The following DLG2 variants were observed in gnomAD, a reference collection of about 807,000 sequenced individuals.
DLG2 encodes disks large homolog 2.
DLG2 carries 45 observed loss-of-function variants against 132.5 expected under a neutral mutation model. That is an observed-to-expected ratio of 0.34 (90% CI 0.27 to 0.44). The LOEUF is 0.44. Among genes scored for constraint, DLG2 ranks in the 20% least tolerant of loss-of-function variants. The probability of loss-of-function intolerance (pLI) is 1.00; values close to 1 mark genes in which losing one functional copy is unlikely to be tolerated. For synonymous variants in DLG2, 424 were observed against 419.6 expected (o/e 1.01, Z -0.13); for missense variants, 1,045 against 1,196.9 (o/e 0.87, Z 1.87).
Position 84,927,419 on chromosome 11 carries a change from T to G in DLG2, c.357+184242A>C, listed in dbSNP as rs964244744. ...TACAGGCCAATTAAGTCAGAATTTCTGAGGGTGGGAATCAGGAATCAGTAT... is the reference window on the plus strand; with the variant it reads ...TACAGGCCAATTAAGTCAGAATTTCGGAGGGTGGGAATCAGGAATCAGTAT... On this transcript the variant is annotated intron_variant, in intron 6 of 27. Transcript: ENST00000376104. 2.2e-4 allele frequency among the ~76,000 whole-genome samples: 33 copies of G among 152,020 alleles called. 1 individual carries two copies. The highest frequency in any genetic ancestry group is 1.8e-3 in the Admixed American group (27 of 15,248).
intron 6 of DLG2, among the ~76,000 whole-genome samples, chr11:85,002,151 C>T (rs1474783350): frequency 6.6e-6 from 1 of 152,096 alleles, no homozygotes; most frequent in East Asian, 1.9e-4. Context: ...TCCTGGGATA[C>T]ACAGGTGTGA....
At chr11:85,232,161 C>T (rs896247295) in intron 4 of DLG2, among the ~76,000 whole-genome samples, 1 of 151,942 alleles carries the variant, frequency 6.6e-6, no homozygotes, top group African/African-American at 2.4e-5. Context: ...ATATACTTTA[C>T]TTGTTTCAGG....
At chr11:85,475,160 A>G (rs922954490) in intron 3 of DLG2, among the ~76,000 whole-genome samples, 14 of 151,474 alleles carry the variant, frequency 9.2e-5, no homozygotes, top group Non-Finnish European at 1.8e-4. Flanking sequence ...CAATAAATAC[A>G]ATTTTTTTAA....
At chr11:85,229,818 A>C (rs2156852) in intron 4 of DLG2, among the ~76,000 whole-genome samples, 1 of 152,104 alleles carries the variant, frequency 6.6e-6, no homozygotes, top group Middle Eastern at 3.4e-3. Flanking sequence ...CCATAAAAAG[A>C]ATGAGTTTAT....
At chr11:85,324,472 G>T (rs942784816) in intron 3 of DLG2, among the ~76,000 whole-genome samples, 1 of 151,948 alleles carries the variant, frequency 6.6e-6, no homozygotes, top group African/African-American at 2.4e-5. Context: ...TCAAAAATTC[G>T]GGAAAGACTA....
At chr11:84,080,945 T>C (rs1193434721) in intron 10 of DLG2, among the ~76,000 whole-genome samples, 1 of 149,308 alleles carries the variant, frequency 6.7e-6, no homozygotes, top group Non-Finnish European at 1.5e-5. Flanking sequence ...TGAGCCGAGA[T>C]CGCACCATTG....
chr11:84,489,702 T>G (rs1041895479), intron 7 of DLG2, among the ~76,000 whole-genome samples: 2 of 152,116 alleles, frequency 1.3e-5, no homozygotes, highest in Non-Finnish European at 2.9e-5. Flanking sequence ...TCTAGATTGA[T>G]TTACATGGAC....
chr11:83,595,520 G>A (rs564840049), intron 19 of DLG2, among the ~76,000 whole-genome samples: 46 of 152,174 alleles, frequency 3.0e-4, no homozygotes, highest in Admixed American at 8.5e-4. Flanking sequence ...TAATGTTACT[G>A]CACAAGTGGC....
chr11:83,561,895 T>G (rs1381279076), intron 19 of DLG2, among the ~76,000 whole-genome samples: 1 of 140,328 alleles, frequency 7.1e-6, no homozygotes, highest in Middle Eastern at 3.4e-3. Context: ...TTTTTTTTTT[T>G]TTTTTTTTTT....
intron 17 of DLG2, among the ~76,000 whole-genome samples, chr11:83,808,873 G>T (rs2046585149): frequency 6.6e-6 from 1 of 151,506 alleles, no homozygotes; most frequent in African/African-American, 2.4e-5. Flanking sequence ...TCCCCTGCAG[G>T]GTCTCACCTC....
intron 15 of DLG2, among the ~76,000 whole-genome samples, chr11:83,902,251 C>T (rs1187543823): frequency 1.3e-5 from 2 of 152,138 alleles, no homozygotes; most frequent in Non-Finnish European, 2.9e-5. Context: ...AATATCCCTC[C>T]CCTATCTCCT....
intron 6 of DLG2, among the ~76,000 whole-genome samples, chr11:84,772,794 G>A (rs570859945): frequency 3.3e-5 from 5 of 152,200 alleles, no homozygotes; most frequent in Admixed American, 3.3e-4. Context: ...TGCTGCAAAA[G>A]CAGCGGTAAG....
At chr11:84,335,847 G>T (rs147321496) in intron 7 of DLG2, among the ~76,000 whole-genome samples, 1 of 152,202 alleles carries the variant, frequency 6.6e-6, no homozygotes, top group East Asian at 1.9e-4. Context: ...CTAGTACATT[G>T]CAAGGGCTCA....
intron 11 of DLG2, among the ~76,000 whole-genome samples, chr11:83,989,932 G>C (rs574437854): frequency 6.6e-6 from 1 of 152,216 alleles, no homozygotes; most frequent in South Asian, 2.1e-4. Flanking sequence ...TTGAAAAGAA[G>C]TGTCCATGAA....
chr11:85,607,441 T>A (rs992051685), intron 2 of DLG2, among the ~76,000 whole-genome samples: 7 of 152,174 alleles, frequency 4.6e-5, no homozygotes, highest in African/African-American at 1.7e-4. Context: ...GCAAGACTCA[T>A]CCATCTATCT....
chr11:84,322,612 GAC>G (rs1419440397), intron 7 of DLG2, among the ~76,000 whole-genome samples: 1 of 136,112 alleles, frequency 7.3e-6, no homozygotes, highest in Non-Finnish European at 1.6e-5. Flanking sequence ...TTTTTTTTGA[GAC>G]AGTCTTATTC....
chr11:84,238,041 CTA>C (rs2097180570), intron 8 of DLG2, among the ~76,000 whole-genome samples: 2 of 53,738 alleles, frequency 3.7e-5, no homozygotes, highest in South Asian at 1.8e-3. Flanking sequence ...AAGACTCTGC[CTA>C]AAAAAAAAAA....
At chr11:83,906,079 CTCTATATATA>C (rs1174599445) in intron 15 of DLG2, among the ~76,000 whole-genome samples, 980 of 94,184 alleles carry the variant, frequency 0.01, 5 homozygotes, top group South Asian at 0.065. Context: ...CTCTCTCTCT[CTCTATATATA>C]TATATATATA....
chr11:84,779,606 G>A (rs373200451), intron 6 of DLG2, among the ~76,000 whole-genome samples: 2 of 151,998 alleles, frequency 1.3e-5, no homozygotes, highest in East Asian at 1.9e-4. Context: ...ATGTTAAATA[G>A]GAGAGAGGCA....
Sources: allele counts gnomAD v4.1 joint callset (sites outside exome capture counted in the v4.1 genomes callset), GRCh38; gene constraint gnomAD v4.1.1; transcripts MANE v1.5; gene names NCBI Gene and HGNC (gene_info 2026-07-23, HGNC 2026-07-21).